Variants in ZNF486 observed in about 807,000 individuals in gnomAD.
The protein encoded by ZNF486 is KRAB box only protein 2.
Under a neutral mutation model 12.8 loss-of-function variants are expected in ZNF486, and 12 were observed. That is an observed-to-expected ratio of 0.94 (90% CI 0.60 to 1.52). The LOEUF (loss-of-function observed/expected upper bound fraction) is 1.52. ZNF486 is among the 40% of genes most tolerant of loss of function. The pLI is 0.00. For missense variants in ZNF486, 738 were observed against 545.0 expected (o/e 1.35, Z -3.53); for synonymous variants, 231 against 184.9 (o/e 1.25, Z -2.02).
intron 3 of ZNF486, among the ~76,000 whole-genome samples, chr19:20,188,097 T>C (rs1214768626): frequency 3.3e-5 from 5 of 152,148 alleles, no homozygotes; most frequent in Non-Finnish European, 7.3e-5. Context: ...TGGATATTGA[T>C]GAGTATGGCT....
chr19:20,187,500 GTTTTTTTT>G, intron 3 of ZNF486, among the ~76,000 whole-genome samples: 1 of 119,650 alleles, frequency 8.4e-6, no homozygotes, highest in South Asian at 2.7e-4. Flanking sequence ...ACCTCTTCAA[GTTTTTTTT>G]TTTTTTTTTT....
chr19:20,185,988 T>A lies in ZNF486; in HGVS notation c.159T>A (p.Gly53=). 1 of 1,552,184 alleles carries A rather than the reference T, an allele frequency of 6.4e-7. No homozygotes were observed. Among genetic ancestry groups the A allele is most frequent in the Non-Finnish European group, 8.7e-7 (1 of 1,152,380 alleles). The change falls in exon 3 of 4, where the codon GGT becomes GGA. Residue 53 remains glycine, a splice_region_variant and synonymous_variant. Transcript: ENST00000335117. ...LENYRHLVFL[G]IIVSKPDLIT... The stretch of plus-strand genomic sequence containing the variant: ...TGCTATTTATTTTTAATGAAACAGG[T>A]ATTATTGTCTCTAAGCCAGACCTGA...
chr19:20,198,165 G>A lies in ZNF486; in HGVS notation c.*63G>A. ...TAATTCTGCTGTTGTTTCCCAGGCT[G>A]GAGTGCAATGGCATAATTTTGGCTC... is the stretch of plus-strand genomic sequence containing the variant. On this transcript the variant is annotated 3_prime_UTR_variant, in exon 4 of 4. Coordinates refer to ENST00000335117, the MANE Select transcript of ZNF486 (RefSeq NM_052852.4). 7.0e-7 allele frequency: 1 copy of A among 1,426,680 alleles called. No individual in the cohort carries two copies. Among genetic ancestry groups the A allele is most frequent in the Non-Finnish European group, 9.4e-7 (1 of 1,068,346 alleles). The allele number at this position is 1,426,680 out of a possible 1,614,324, so 88.4% of individuals were successfully genotyped here.
intron 1 of ZNF486, among the ~76,000 whole-genome samples, chr19:20,183,384 T>C (rs1555715863): frequency 6.6e-6 from 1 of 152,358 alleles, no homozygotes; most frequent in African/African-American, 2.4e-5. Flanking sequence ...CAGAAAGTTC[T>C]GAAAGAAATT....
intron 3 of ZNF486, among the ~76,000 whole-genome samples, chr19:20,195,578 A>G (rs117600677): frequency 6.6e-6 from 1 of 152,358 alleles, no homozygotes; most frequent in East Asian, 1.9e-4. Context: ...GGTATACATT[A>G]TCATCTTTGA....
rs782645176 is a variant in ZNF486, at chr19:20,197,789, C to T, written c.1079C>T (p.Thr360Ile). The part of the protein sequence containing the change: ...YKCEECGKAF[T>I]RSSHLTMHKI... ...TGTGAAGAATGTGGCAAAGCCTTCA[C>T]CCGCTCCTCACACCTTACTATGCAT... is the stretch of plus-strand genomic sequence containing the variant. The change falls in exon 4 of 4, where the codon ACC (threonine) becomes ATC (isoleucine). Residue 360 changes from threonine to isoleucine, a missense_variant. Transcript: ENST00000335117. 6.8e-6 allele frequency: 11 copies of T among 1,612,268 alleles called. No homozygotes were observed. The highest frequency in any genetic ancestry group is 9.3e-6 in the Non-Finnish European group (11 of 1,179,502).
intron 1 of ZNF486, among the ~76,000 whole-genome samples, chr19:20,182,688 CTTATA>C (rs1328941220): frequency 1.3e-5 from 2 of 152,238 alleles, no homozygotes; most frequent in African/African-American, 4.8e-5. Context: ...AAATGAGAAA[CTTATA>C]TTTCTATCTT....
intron 1 of ZNF486, chr19:20,174,983 A>G (rs1481102208): frequency 6.6e-6 from 1 of 152,228 alleles, no homozygotes; most frequent in African/African-American, 2.4e-5. Context: ...ATATTCCACT[A>G]TATGAACATA....
chr19:20,182,578 C>T (rs2089798413), intron 1 of ZNF486, among the ~76,000 whole-genome samples: 2 of 152,120 alleles, frequency 1.3e-5, no homozygotes, highest in South Asian at 4.1e-4. Flanking sequence ...GGTCACAGGG[C>T]CTGTTCTGTT....
rs1039627676 is a variant in ZNF486 at position 20,198,182 on chromosome 19, T to G, written c.*80T>G. On this transcript the variant is annotated 3_prime_UTR_variant, in exon 4 of 4. Transcript: ENST00000335117. ...CCCAGGCTGGAGTGCAATGGCATAA[T>G]TTTGGCTCACCACAACCTCCACCTT... 2.0e-5 allele frequency: 27 copies of G among 1,352,736 alleles called. No homozygotes were observed. In the African/African-American group the frequency reaches 3.7e-4, roughly 18 times the overall value. 83.8% of individuals were successfully genotyped at this position (1,352,736 alleles called of 1,614,324 possible).
At chr19:20,186,215 T>C (rs782146963) in intron 3 of ZNF486, 133 bp downstream of exon 3, 3 of 472,700 alleles carry the variant, frequency 6.3e-6, no homozygotes, top group African/African-American at 2.0e-5. Flanking sequence ...AGCTGTTTTA[T>C]TTATTTATTT....
chr19:20,197,140 C>A lies in ZNF486; in HGVS notation c.430C>A (p.Gln144Lys). 1 of 1,613,708 alleles carries A rather than the reference C, an allele frequency of 6.2e-7. No individual in the cohort carries two copies. The highest frequency in any genetic ancestry group is 2.2e-5 in the East Asian group (1 of 44,850). The change falls in exon 4 of 4, where the codon CAA becomes AAA. Residue 144 changes from glutamine (Q) to lysine (K), a missense_variant. Coordinates refer to ENST00000335117, the MANE Select transcript of ZNF486 (RefSeq NM_052852.4). ...CAAAAGAGGTTATAATGGACTTAACCAATGTTTGACAACTACCCAGAGCAA... is the reference window on the plus strand; with the variant it reads ...CAAAAGAGGTTATAATGGACTTAACAAATGTTTGACAACTACCCAGAGCAA... Reference protein sequence around the residue: ...LHKRGYNGLNQCLTTTQSKIF... With the variant: ...LHKRGYNGLNKCLTTTQSKIF...
In ZNF486 at chr19:20,189,249, T is replaced by A. The variant is rs1010937406; in HGVS notation, c.253+3167T>A. Among the ~76,000 whole-genome samples the A allele has an allele frequency of 5.3e-5, 8 of 152,210 alleles. No individual in the cohort carries two copies. The South Asian group carries it at 8.3e-4, about 16-fold the overall frequency. The stretch of plus-strand genomic sequence containing the variant: ...AACACACCCAGCTAATTTTTTGTAT[T>A]TTTAGTATTATGGGGTTTATTATGT... On this transcript the variant is annotated intron_variant, in intron 3 of 3. Transcript: ENST00000335117.
chr19:20,172,634 T>C (rs1463866329), intron 1 of ZNF486, among the ~76,000 whole-genome samples: 1 of 151,478 alleles, frequency 6.6e-6, no homozygotes, highest in Non-Finnish European at 1.5e-5. Context: ...GTTTTTTTCT[T>C]GTAAACTTGT....
In ZNF486 at chr19:20,170,046, A is replaced by T. The variant is rs183510382; in HGVS notation, c.30+2686A>T. On this transcript the variant is annotated intron_variant, in intron 1 of 3. Coordinates refer to ENST00000335117, the MANE Select transcript of ZNF486 (RefSeq NM_052852.4). ...GCTGGGACTACAGGCGCCCGCCACC[A>T]CGCCCGGCTAATTTTTTTGTATTTT... is the stretch of plus-strand genomic sequence containing the variant. 4.6e-3 allele frequency among the ~76,000 whole-genome samples: 692 copies of T among 151,148 alleles called. 6 individuals carry two copies. The highest frequency in any genetic ancestry group is 0.016 in the African/African-American group (650 of 41,176).
At position 20,197,238 on chromosome 19, in the gene ZNF486, T is replaced by C. The variant is rs782225308; in HGVS notation, c.528T>C (p.His176=). The change falls in exon 4 of 4, where the codon CAT becomes CAC. Residue 176 remains histidine, a synonymous_variant. Coordinates refer to ENST00000335117, the MANE Select transcript of ZNF486 (RefSeq NM_052852.4). The stretch of plus-strand genomic sequence containing the variant: ...ATTCAAAGAGACATAAAAGAAGACA[T>C]ACTGAAAAAAAACCTTTGAAATATA... ...FSNSKRHKRR[H]TEKKPLKYIE... The C allele has an allele frequency of 9.3e-6, 15 of 1,611,646 alleles. No homozygotes were observed. Among genetic ancestry groups the C allele is most frequent in the South Asian group, 4.4e-5 (4 of 90,536 alleles).
chr19:20,180,822 C>T (rs967539108), intron 1 of ZNF486, among the ~76,000 whole-genome samples: 21 of 152,248 alleles, frequency 1.4e-4, no homozygotes, highest in Admixed American at 1.0e-3. Flanking sequence ...GTGCACCCAG[C>T]TGTATAATTT....
rs2089978466 is a variant in ZNF486, at chr19:20,197,982, T to G, written c.1272T>G (p.His424Gln). The change falls in exon 4 of 4, where the codon CAT becomes CAG. Residue 424 changes from histidine to glutamine, a missense_variant. Coordinates refer to ENST00000335117, the MANE Select transcript of ZNF486 (RefSeq NM_052852.4). ...CTACATCCTCAAATCTAACTGAACA[T>G]AAGACAACTCATACTGGAGAGAAAC... ...AYTTSSNLTEHKTTHTGEKPY... is the reference protein window; with the variant it reads ...AYTTSSNLTEQKTTHTGEKPY... 4 of 1,613,646 alleles carry G rather than the reference T, an allele frequency of 2.5e-6. No homozygotes were observed. Among genetic ancestry groups the G allele is most frequent in the Non-Finnish European group, 2.5e-6 (3 of 1,179,786 alleles).
chr19:20,176,194 C>G (rs192143194), intron 1 of ZNF486: 1 of 157,288 alleles, frequency 6.4e-6, no homozygotes, highest in Non-Finnish European at 1.3e-5. Flanking sequence ...GACGGGGCAG[C>G]GGGGCAGAGG....
Sources: gnomAD v4.1 joint callset for allele counts (sites outside exome capture counted in the v4.1 genomes callset) on GRCh38, gnomAD v4.1.1 for gene constraint, MANE v1.5 for transcripts, NCBI Gene and HGNC (gene_info 2026-07-23, HGNC 2026-07-21) for gene names.